ASB18: variants seen among roughly 807,000 people sequenced by gnomAD.
The protein encoded by ASB18 is ankyrin repeat and SOCS box containing 18.
A neutral mutation model predicts 33.4 loss-of-function variants in ASB18; 33 were observed. The observed-to-expected ratio is 0.99, with a 90% CI of 0.75 to 1.32. The LOEUF is 1.32. Among genes scored for constraint, ASB18 ranks in the 40% most tolerant of loss-of-function variants. ASB18 has a pLI of 0.00. For missense variants in ASB18, 694 were observed against 655.5 expected (o/e 1.06, Z -0.64); for synonymous variants, 295 against 307.6 (o/e 0.96, Z 0.43).
At position 236,252,527 on chromosome 2, in the gene ASB18, G is replaced by C. The variant is rs1461993486; in HGVS notation, c.206-11125C>G. Among the ~76,000 whole-genome samples, 1 of 152,062 alleles carries C rather than the reference G, an allele frequency of 6.6e-6. No individual in the cohort carries two copies. The highest frequency in any genetic ancestry group is 1.9e-4 in the East Asian group (1 of 5,168). ...GACAGGGAGGTGTAGGACACGGAAG[G>C]TGCATTTCCTCCCCAGGATGTCTGT... On this transcript the variant is annotated intron_variant, in intron 1 of 5. Coordinates refer to ENST00000409749, the MANE Select transcript of ASB18 (RefSeq NM_212556.4). This position sits in a 1 kb window ranked among gnomAD's most constrained non-coding sequence, Gnocchi z 7.9.
At chr2:236,212,492 T>C (rs2060463261) in intron 4 of ASB18, among the ~76,000 whole-genome samples, 1 of 152,236 alleles carries the variant, frequency 6.6e-6, no homozygotes. Context: ...TTCTAGTCGC[T>C]ACTGAAATAT....
Position 236,255,720 on chromosome 2 carries a change from G to A in ASB18, c.205+8421C>T, listed in dbSNP as rs1388407730. 6.6e-6 allele frequency among the ~76,000 whole-genome samples: 1 copy of A among 152,164 alleles called. No individual in the cohort carries two copies. Among genetic ancestry groups the A allele is most frequent in the Admixed American group, 6.5e-5 (1 of 15,272 alleles). ...GGCTCCTCATGGCTTTTCCAAGTAA[G>A]TGTAAACACCTGTGCCTAGAATGTG... is the stretch of plus-strand genomic sequence containing the variant. On this transcript the variant is annotated intron_variant, in intron 1 of 5. Transcript: ENST00000409749. The surrounding 1 kb of genome is among the most constrained non-coding windows in gnomAD (Gnocchi z 4.4).
At chr2:236,212,784 CCTG>C (rs2060465192) in intron 4 of ASB18, among the ~76,000 whole-genome samples, 1 of 152,036 alleles carries the variant, frequency 6.6e-6, no homozygotes, top group Non-Finnish European at 1.5e-5. Flanking sequence ...GCCACCAGGC[CCTG>C]CTAATTTTTT....
In ASB18 at chr2:236,249,315, C is replaced by T. The variant is rs2106283628; in HGVS notation, c.206-7913G>A. 1 of 152,304 alleles carries T rather than the reference C, an allele frequency of 6.6e-6. No individual in the cohort carries two copies. Among genetic ancestry groups the T allele is most frequent in the Non-Finnish European group, 1.5e-5 (1 of 68,062 alleles). 9.4% of individuals were successfully genotyped at this position (152,304 alleles called of 1,614,324 possible). ...GCCACAATTGGCTTCTTTGATTTTT[C>T]TTGGTTGGTTGGTTTGTTTTCAAGC... On this transcript the variant is annotated intron_variant, in intron 1 of 5. Transcript: ENST00000409749. The surrounding 1 kb of genome is among the most constrained non-coding windows in gnomAD (Gnocchi z 4.6).
Position 236,214,452 on chromosome 2 carries a change from T to G in ASB18, c.1011A>C (p.Ala337=). The part of the protein sequence containing the change: ...ASPLGRVLQT[A]SCALQASPQR... ...GCGGTGAGGCCTGGAGAGCGCAGGA[T>G]GCGGTCTGGAGCACGCGGCCCAGCG... Residue 337 remains alanine, a synonymous_variant, in exon 4 of 6, where the codon GCA becomes GCC. Transcript: ENST00000409749. This position sits in a 1 kb window ranked among gnomAD's most constrained non-coding sequence, Gnocchi z 6.5. The G allele has an allele frequency of 6.5e-7, 1 of 1,536,502 alleles. No homozygotes were observed.
At position 236,238,135 on chromosome 2, in the gene ASB18, A is replaced by C. The variant is rs1372856732; in HGVS notation, c.329-179T>G. Among the ~76,000 whole-genome samples the C allele has an allele frequency of 1.3e-5, 2 of 152,186 alleles. No homozygotes were observed. The highest frequency in any genetic ancestry group is 2.4e-5 in the African/African-American group (1 of 41,444). On this transcript the variant is annotated intron_variant, in intron 2 of 5. Transcript: ENST00000409749. This position sits in a 1 kb window ranked among gnomAD's most constrained non-coding sequence, Gnocchi z 5.2. ...ACAGAGACAGAGAGCAGAGAGACAC[A>C]CTGGGAAGAGACAGGCGTAGACAGA...
chr2:236,263,825 T>C lies in ASB18; in HGVS notation c.205+316A>G, dbSNP rs889348537. Among the ~76,000 whole-genome samples the C allele has an allele frequency of 2.7e-5, 4 of 149,988 alleles. No homozygotes were observed. The highest frequency in any genetic ancestry group is 4.5e-5 in the Non-Finnish European group (3 of 67,220). On this transcript the variant is annotated intron_variant, in intron 1 of 5. Transcript: ENST00000409749. The surrounding 1 kb of genome is among the most constrained non-coding windows in gnomAD (Gnocchi z 4.0). ...GATCTCAAGGGAGCAGAACACACAA[T>C]TATGTGTATGATATGGTTATCAGTG... is the stretch of plus-strand genomic sequence containing the variant.
intron 4 of ASB18, among the ~76,000 whole-genome samples, chr2:236,212,964 G>A (rs145631048): frequency 6.6e-6 from 1 of 152,192 alleles, no homozygotes; most frequent in Non-Finnish European, 1.5e-5. Context: ...ATATGACAAG[G>A]GCTGAAGTGT....
In ASB18 at chr2:236,196,625, C is replaced by T. The variant is rs1053416130; in HGVS notation, c.1102-240G>A. ...GAGCCCTCCTTCCCATCATGATGGC[C>T]GCCCAGCCAAAGTCTGGGCCAAGTG... On this transcript the variant is annotated intron_variant, in intron 4 of 5. Transcript: ENST00000409749. This position sits in a 1 kb window ranked among gnomAD's most constrained non-coding sequence, Gnocchi z 5.6. Among the ~76,000 whole-genome samples the T allele has an allele frequency of 1.3e-5, 2 of 152,180 alleles. No homozygotes were observed. The highest frequency in any genetic ancestry group is 2.4e-5 in the African/African-American group (1 of 41,450).
At chr2:236,199,825 C>A (rs976567841) in intron 4 of ASB18, among the ~76,000 whole-genome samples, 1 of 151,582 alleles carries the variant, frequency 6.6e-6, no homozygotes, top group Non-Finnish European at 1.5e-5. Flanking sequence ...AACAAGTAGA[C>A]CATTATTGGA....
intron 4 of ASB18, among the ~76,000 whole-genome samples, chr2:236,210,013 C>A (rs146281800): frequency 1.9e-4 from 29 of 152,348 alleles, no homozygotes; most frequent in Admixed American, 7.8e-4. Context: ...ACCCTGCCCC[C>A]CAGCCAGGTG....
Position 236,214,811 on chromosome 2 carries a change from C to T in ASB18, c.652G>A (p.Gly218Ser), listed in dbSNP as rs1396076004. ...GASVQRVGGT[G>S]RDTPLHVAAQ... ...GCCACGTGCAGCGGCGTGTCCCGGC[C>T]CGTGCCGCCCACGCGCTGCACCGAG... The change falls in exon 4 of 6, where the codon GGC becomes AGC. Residue 218 changes from glycine to serine, a missense_variant. Transcript: ENST00000409749. This position sits in a 1 kb window ranked among gnomAD's most constrained non-coding sequence, Gnocchi z 6.5. 2 of 1,212,196 alleles carry T rather than the reference C, an allele frequency of 1.6e-6. No individual in the cohort carries two copies. Among genetic ancestry groups the T allele is most frequent in the Non-Finnish European group, 2.1e-6 (2 of 974,886 alleles). 75.1% of individuals were successfully genotyped at this position (1,212,196 alleles called of 1,614,324 possible). A position where few individuals can be genotyped will look rare whatever the true frequency, so the allele number is the denominator to read the frequency against.
At position 236,255,377 on chromosome 2, in the gene ASB18, C is replaced by T. The variant is rs1009660581; in HGVS notation, c.205+8764G>A. ...CAGACTGGTCTTGAACTCCTGACCT[C>T]AGGTGATCTGCCCCCCTCGGCCTAT... On this transcript the variant is annotated intron_variant, in intron 1 of 5. Transcript: ENST00000409749. This position sits in a 1 kb window ranked among gnomAD's most constrained non-coding sequence, Gnocchi z 4.4. Among the ~76,000 whole-genome samples, 3 of 152,156 alleles carry T rather than the reference C, an allele frequency of 2.0e-5. No individual in the cohort carries two copies. Among genetic ancestry groups the T allele is most frequent in the Admixed American group, 6.5e-5 (1 of 15,270 alleles).
At chr2:236,254,895 G>T (rs1203562906) in intron 1 of ASB18, among the ~76,000 whole-genome samples, 1 of 152,052 alleles carries the variant, frequency 6.6e-6, no homozygotes, top group African/African-American at 2.4e-5. Context: ...TCCCAGGAAC[G>T]GTTTCCTGCC....
chr2:236,242,616 G>A (rs535277384), intron 1 of ASB18, among the ~76,000 whole-genome samples: 11 of 152,216 alleles, frequency 7.2e-5, no homozygotes, highest in South Asian at 2.1e-4. Flanking sequence ...ATATCACCAC[G>A]CCCTGCTAAT....
At chr2:236,227,856 A>G (rs2060548047) in intron 3 of ASB18, among the ~76,000 whole-genome samples, 1 of 152,198 alleles carries the variant, frequency 6.6e-6, no homozygotes, top group Non-Finnish European at 1.5e-5. Flanking sequence ...ATTCTGGTCC[A>G]ATGTTTGACA....
intron 1 of ASB18, among the ~76,000 whole-genome samples, chr2:236,246,440 G>C (rs957991137): frequency 2.1e-5 from 3 of 141,672 alleles, no homozygotes; most frequent in Non-Finnish European, 4.5e-5. Flanking sequence ...TGTTTTTAAA[G>C]TTCATCTCCC....
At position 236,237,289 on chromosome 2, in the gene ASB18, C is replaced by T. The variant is rs1311784285; in HGVS notation, c.596+400G>A. ...GTGATCACCGCGCTCATTACCTCGGCGTGGCGCCTCCCGCGCGCGCTCGCA... is the reference window on the plus strand; with the variant it reads ...GTGATCACCGCGCTCATTACCTCGGTGTGGCGCCTCCCGCGCGCGCTCGCA... On this transcript the variant is annotated intron_variant, in intron 3 of 5. Coordinates refer to ENST00000409749, the MANE Select transcript of ASB18 (RefSeq NM_212556.4). The surrounding 1 kb of genome is among the most constrained non-coding windows in gnomAD (Gnocchi z 6.2). Among the ~76,000 whole-genome samples, 1 of 151,664 alleles carries T rather than the reference C, an allele frequency of 6.6e-6. No individual in the cohort carries two copies. Among genetic ancestry groups the T allele is most frequent in the Admixed American group, 6.6e-5 (1 of 15,214 alleles).
rs1415406664 is a variant in ASB18, at chr2:236,259,389, G to T, written c.205+4752C>A. ...ATAATCGAGTGTTAGGCGAGGTTCT[G>T]GCCCTAGAAGAGGTGGCATTCAGGT... is the stretch of plus-strand genomic sequence containing the variant. On this transcript the variant is annotated intron_variant, in intron 1 of 5. Transcript: ENST00000409749. The surrounding 1 kb of genome is among the most constrained non-coding windows in gnomAD (Gnocchi z 4.4). 3 of 402,074 alleles carry T rather than the reference G, an allele frequency of 7.5e-6. No individual in the cohort carries two copies. Among genetic ancestry groups the T allele is most frequent in the Non-Finnish European group, 1.6e-5 (3 of 191,618 alleles). The allele number at this position is 402,074 out of a possible 1,614,324, so 24.9% of individuals were successfully genotyped here. A position where few individuals can be genotyped will look rare whatever the true frequency, so the allele number is the denominator to read the frequency against.
Sources: gnomAD v4.1 joint callset for allele counts (sites outside exome capture counted in the v4.1 genomes callset) on GRCh38, gnomAD v4.1.1 for gene constraint, Gnocchi (gnomAD v3.1) non-coding constraint, MANE v1.5 for transcripts, NCBI Gene and HGNC (gene_info 2026-07-23, HGNC 2026-07-21) for gene names.